Variants in NBEA observed in about 807,000 individuals in gnomAD.
NBEA encodes neurobeachin.
Under a neutral mutation model 343.4 loss-of-function variants are expected in NBEA, and 44 were observed. The ratio of observed to expected loss-of-function variants is 0.13; its 90% CI spans 0.10 to 0.16. NBEA has a LOEUF of 0.16. Among genes scored for constraint, NBEA ranks in the 10% least tolerant of loss-of-function variants. The pLI, the probability that NBEA is intolerant of heterozygous loss-of-function variation, is 1.00. For synonymous variants in NBEA, 1,175 were observed against 1,238.7 expected, an observed-to-expected ratio of 0.95 and a Z score of 1.08; for missense variants, 2,555 against 3,631.3, an observed-to-expected ratio of 0.70 and a Z score of 7.62.
At position 35,045,063 on chromosome 13, in the gene NBEA, A is replaced by C; in HGVS notation, c.627+16A>C. The C allele has an allele frequency of 6.3e-7, 1 of 1,587,010 alleles. No homozygotes were observed. The highest frequency in any genetic ancestry group is 2.3e-5 in the East Asian group (1 of 44,276). On this transcript the variant is annotated intron_variant, in intron 3 of 58. Transcript: ENST00000379939. Reference sequence around the variant, plus strand: ...TGGAATCTGGGTAAGCTGTGGTCGGAGGGAAAGGTATTCAGTATCAGTCCA... The same window carrying C: ...TGGAATCTGGGTAAGCTGTGGTCGGCGGGAAAGGTATTCAGTATCAGTCCA...
intron 41 of NBEA, among the ~76,000 whole-genome samples, chr13:35,522,314 A>T (rs371415609): frequency 6.6e-6 from 1 of 151,612 alleles, no homozygotes; most frequent in African/African-American, 2.4e-5. Flanking sequence ...CTAAAAATAC[A>T]AAAATTAGCC....
At chr13:35,179,467 A>G (rs539003524) in intron 28 of NBEA, among the ~76,000 whole-genome samples, 2 of 151,534 alleles carry the variant, frequency 1.3e-5, no homozygotes, top group African/African-American at 4.8e-5. Context: ...CTCTATGTAT[A>G]CTGAGCTTCA....
In NBEA at chr13:35,030,439, T is replaced by C. The variant is rs777615570; in HGVS notation, c.295-10494T>C. Among the ~76,000 whole-genome samples, 71 of 151,734 alleles carry C rather than the reference T, an allele frequency of 4.7e-4. 1 individual carries two copies. The highest frequency in any genetic ancestry group is 7.4e-5 in the Non-Finnish European group (5 of 67,644). On this transcript the variant is annotated intron_variant, in intron 1 of 58. Coordinates refer to ENST00000379939, the MANE Select transcript of NBEA (RefSeq NM_001385012.1). Reference sequence around the variant, plus strand: ...TCATAGCAAGTGATTAAGTGCATTTTGTAGTCTATATTAGGATCCTGGATC... The same window carrying C: ...TCATAGCAAGTGATTAAGTGCATTTCGTAGTCTATATTAGGATCCTGGATC...
chr13:35,223,979 C>T (rs989216777), intron 33 of NBEA, among the ~76,000 whole-genome samples: 3 of 152,130 alleles, frequency 2.0e-5, no homozygotes, highest in East Asian at 3.9e-4. Flanking sequence ...AACACATGGA[C>T]CTGTTTATTT....
chr13:35,039,737 T>A (rs2062580091), intron 1 of NBEA, among the ~76,000 whole-genome samples: 1 of 152,176 alleles, frequency 6.6e-6, no homozygotes, highest in South Asian at 2.1e-4. Context: ...CTGTCAGTAT[T>A]TGTGAATACC....
At chr13:35,420,568 A>G (rs1005383530) in intron 38 of NBEA, among the ~76,000 whole-genome samples, 2 of 152,012 alleles carry the variant, frequency 1.3e-5, no homozygotes, top group African/African-American at 4.8e-5. Flanking sequence ...GTTTTCTGGA[A>G]GAGATTATGT....
intron 36 of NBEA, among the ~76,000 whole-genome samples, chr13:35,339,705 G>A (rs2039473024): frequency 6.6e-6 from 1 of 152,030 alleles, no homozygotes; most frequent in Non-Finnish European, 1.5e-5. Flanking sequence ...GTGAAGTGGG[G>A]GCAGGCATGT....
intron 10 of NBEA, among the ~76,000 whole-genome samples, chr13:35,079,910 T>C (rs2064300748): frequency 6.6e-6 from 1 of 152,132 alleles, no homozygotes; most frequent in Non-Finnish European, 1.5e-5. Context: ...ACTTTTTCTA[T>C]AGGAAGTGTC....
chr13:35,117,815 A>T (rs1223209645), intron 14 of NBEA, among the ~76,000 whole-genome samples: 1 of 151,998 alleles, frequency 6.6e-6, no homozygotes, highest in African/African-American at 2.4e-5. Context: ...AATGTATTTT[A>T]TTGTAGTAGA....
chr13:35,060,727 A>G (rs2063438305), intron 8 of NBEA, among the ~76,000 whole-genome samples: 2 of 151,562 alleles, frequency 1.3e-5, no homozygotes, highest in Admixed American at 1.3e-4. Flanking sequence ...TTTTTTTCAG[A>G]AATTCAGAGA....
chr13:35,156,967 C>T lies in NBEA; in HGVS notation c.2652-111C>T, dbSNP rs575787213. On this transcript the variant is annotated intron_variant, in intron 20 of 58. Coordinates refer to ENST00000379939, the MANE Select transcript of NBEA (RefSeq NM_001385012.1). ...ACGTGCAGCATGACTGTACACCTTGCTTTACTGAGGTCAGATCATATTTTC... is the reference window on the plus strand; with the variant it reads ...ACGTGCAGCATGACTGTACACCTTGTTTTACTGAGGTCAGATCATATTTTC... 1.2e-5 allele frequency: 10 copies of T among 840,992 alleles called. No individual in the cohort carries two copies. The South Asian group carries it at 2.8e-4, about 23-fold the overall frequency. 52.1% of individuals were successfully genotyped at this position (840,992 alleles called of 1,614,324 possible).
At chr13:35,361,100 T>G (rs993827080) in intron 38 of NBEA, among the ~76,000 whole-genome samples, 6 of 151,960 alleles carry the variant, frequency 3.9e-5, no homozygotes, top group African/African-American at 1.4e-4. Flanking sequence ...GAAAAAATCT[T>G]GAAAGAAAAT....
At chr13:35,292,131 T>C (rs766670066) in intron 35 of NBEA, among the ~76,000 whole-genome samples, 8 of 151,968 alleles carry the variant, frequency 5.3e-5, no homozygotes, top group Non-Finnish European at 8.8e-5. Context: ...ATAATCCTCC[T>C]TTATTCTTAT....
At chr13:35,669,732 A>T (rs1336334533) in intron 58 of NBEA, among the ~76,000 whole-genome samples, 1 of 152,192 alleles carries the variant, frequency 6.6e-6, no homozygotes, top group Non-Finnish European at 1.5e-5. Flanking sequence ...TGCTGCCATC[A>T]TCATAGGTTG....
At chr13:35,075,598 A>T (rs2064078287) in intron 10 of NBEA, among the ~76,000 whole-genome samples, 1 of 152,138 alleles carries the variant, frequency 6.6e-6, no homozygotes, top group Admixed American at 6.6e-5. Flanking sequence ...GTCCTATCAT[A>T]TGAACAGTCC....
chr13:35,001,267 T>A (rs759008106), intron 1 of NBEA, among the ~76,000 whole-genome samples: 26 of 152,120 alleles, frequency 1.7e-4, no homozygotes, highest in Non-Finnish European at 3.4e-4. Flanking sequence ...TATGGAAGTT[T>A]CTCAAATAAC....
At chr13:35,597,187 A>G (rs2081844234) in intron 47 of NBEA, among the ~76,000 whole-genome samples, 1 of 152,190 alleles carries the variant, frequency 6.6e-6, no homozygotes, top group South Asian at 2.1e-4. Flanking sequence ...ATTTGAGGAT[A>G]TGTTCTTATT....
At chr13:35,180,435 G>A (rs2071233387) in intron 28 of NBEA, among the ~76,000 whole-genome samples, 1 of 151,604 alleles carries the variant, frequency 6.6e-6, no homozygotes, top group Non-Finnish European at 1.5e-5. Flanking sequence ...CATGCAGCTT[G>A]TTATATTTTT....
At position 35,117,508 on chromosome 13, in the gene NBEA, T is replaced by A; in HGVS notation, c.2082+15T>A. ...TGATACTAAAGGTAAAATAATTTTA[T>A]ATAATTTAAAATAATAGTATATTAG... On this transcript the variant is annotated intron_variant, in intron 14 of 58. Coordinates refer to ENST00000379939, the MANE Select transcript of NBEA (RefSeq NM_001385012.1). 8.3e-7 allele frequency: 1 copy of A among 1,200,274 alleles called. No individual in the cohort carries two copies. Among genetic ancestry groups the A allele is most frequent in the Non-Finnish European group, 1.1e-6 (1 of 916,392 alleles). The allele number at this position is 1,200,274 out of a possible 1,614,324, so 74.4% of individuals were successfully genotyped here. A position where few individuals can be genotyped will look rare whatever the true frequency, so the allele number is the denominator to read the frequency against.
Sources: gnomAD v4.1 joint callset for allele counts (sites outside exome capture counted in the v4.1 genomes callset) on GRCh38, gnomAD v4.1.1 for gene constraint, MANE v1.5 for transcripts, NCBI Gene and HGNC (gene_info 2026-07-23, HGNC 2026-07-21) for gene names.